ETNK2: variants seen among roughly 807,000 people sequenced by gnomAD.
ETNK2 encodes ethanolamine kinase-like protein.
A neutral mutation model predicts 46.2 loss-of-function variants in ETNK2; 33 were observed. That is an observed-to-expected ratio of 0.71 (90% CI 0.54 to 0.96). The LOEUF is 0.96. ETNK2 is among the 40% of genes least tolerant of loss of function. The pLI is 0.00. For missense variants in ETNK2, 445 were observed against 509.7 expected, an observed-to-expected ratio of 0.87 and a Z score of 1.22; for synonymous variants, 194 against 209.0, an observed-to-expected ratio of 0.93 and a Z score of 0.62.
chr1:204,145,660 CAGAGACATACTCAAAATGGGGAT>C (rs1473280773), intron 3 of ETNK2, among the ~76,000 whole-genome samples: 1 of 152,198 alleles, frequency 6.6e-6, no homozygotes, highest in Non-Finnish European at 1.5e-5. Context: ...ATGTGTGTGA[CAGAGACATACTCAAAATGGGGAT>C]AGAGTTAATT....
chr1:204,147,869 T>G (rs1275058460), intron 2 of ETNK2, among the ~76,000 whole-genome samples: 4 of 152,180 alleles, frequency 2.6e-5, no homozygotes, highest in Non-Finnish European at 5.9e-5. Context: ...GGCTGTGCTT[T>G]CTTTCAGAGG....
chr1:204,151,573 G>C lies in ETNK2; in HGVS notation c.258+22C>G. 3 of 1,548,192 alleles carry C rather than the reference G, an allele frequency of 1.9e-6. No individual in the cohort carries two copies. Among genetic ancestry groups the C allele is most frequent in the Non-Finnish European group, 2.6e-6 (3 of 1,145,928 alleles). On this transcript the variant is annotated intron_variant, in intron 1 of 7. Transcript: ENST00000367202. The surrounding 1 kb of genome is among the most constrained non-coding windows in gnomAD (Gnocchi z 8.0). Reference sequence around the variant, plus strand: ...GCAGCCCTGGCAGGACCCCATCCTCGGCCCCGCGCCCACTCCGCTACCTTG... The same window carrying C: ...GCAGCCCTGGCAGGACCCCATCCTCCGCCCCGCGCCCACTCCGCTACCTTG...
intron 5 of ETNK2, chr1:204,139,050 G>T (rs1468881985): frequency 6.6e-6 from 1 of 152,172 alleles, no homozygotes; most frequent in East Asian, 1.9e-4. Context: ...ACACTATGAG[G>T]TAGGTACTAT....
chr1:204,138,267 C>T (rs1260088112), intron 5 of ETNK2, among the ~76,000 whole-genome samples: 1 of 152,148 alleles, frequency 6.6e-6, no homozygotes, highest in Non-Finnish European at 1.5e-5. Flanking sequence ...ACCCATGAGG[C>T]CCCTCTCCCT....
In ETNK2 at chr1:204,137,107, G is replaced by A. The variant is rs1395538493; in HGVS notation, c.1011C>T (p.Ala337=). ...QRLYVQVNKF[A]LASHFFWALW... is the part of the protein sequence containing the mutation. ...GCCCTAGAAATAAGGCACTCACCAG[G>A]GCAAACTTGTTGACTTGCACGTAGA... The change falls in exon 6 of 8, where the codon GCC becomes GCT. Residue 337 remains alanine, a synonymous_variant. Coordinates refer to ENST00000367202, the MANE Select transcript of ETNK2 (RefSeq NM_018208.4). 1.2e-6 allele frequency: 2 copies of A among 1,613,674 alleles called. No homozygotes were observed. The highest frequency in any genetic ancestry group is 2.2e-5 in the East Asian group (1 of 44,868).
chr1:204,151,517 G>A lies in ETNK2; in HGVS notation c.258+78C>T. The A allele has an allele frequency of 6.5e-7, 1 of 1,529,112 alleles. No individual in the cohort carries two copies. Among genetic ancestry groups the A allele is most frequent in the Non-Finnish European group, 8.8e-7 (1 of 1,135,920 alleles). 94.7% of individuals were successfully genotyped at this position (1,529,112 alleles called of 1,614,324 possible). A position where few individuals can be genotyped will look rare whatever the true frequency, so the allele number is the denominator to read the frequency against. On this transcript the variant is annotated intron_variant, in intron 1 of 7. Transcript: ENST00000367202. The surrounding 1 kb of genome is among the most constrained non-coding windows in gnomAD (Gnocchi z 8.0). Reference sequence around the variant, plus strand: ...CACCCCTGGGACTGACACCCGGAAGGATGCGAGGACTGGGTCCCCGCATCC... The same window carrying A: ...CACCCCTGGGACTGACACCCGGAAGAATGCGAGGACTGGGTCCCCGCATCC...
In ETNK2 at chr1:204,151,673, CG is replaced by C. The variant is rs1488637646; in HGVS notation, c.179del (p.Pro60ArgfsTer115). ...GCAGGGCCCCGGGAAGGATGTCGTC[CG>C]GGTCCACGGAAATGCCGAAGTACGC... ...AVAYFGISVD[P>X]DDILPGALRL... On this transcript the variant is annotated frameshift_variant, in exon 1 of 8. Transcript: ENST00000367202. LOFTEE classifies it high-confidence loss of function. This position sits in a 1 kb window ranked among gnomAD's most constrained non-coding sequence, Gnocchi z 8.0. The C allele has an allele frequency of 6.5e-7, 1 of 1,548,162 alleles. No individual in the cohort carries two copies.
intron 7 of ETNK2, among the ~76,000 whole-genome samples, chr1:204,133,249 T>C (rs1432323985): frequency 7.3e-6 from 1 of 137,590 alleles, no homozygotes; most frequent in Non-Finnish European, 1.6e-5. Flanking sequence ...GAGTTTGCTT[T>C]CAATTATTTT....
At chr1:204,132,834 A>G (rs976149077) in intron 7 of ETNK2, among the ~76,000 whole-genome samples, 1 of 152,034 alleles carries the variant, frequency 6.6e-6, no homozygotes, top group Non-Finnish European at 1.5e-5. Context: ...TTACCGTTCT[A>G]TATTGTTAAG....
At position 204,132,173 on chromosome 1, in the gene ETNK2, G is replaced by A; in HGVS notation, c.*11C>T. On this transcript the variant is annotated 3_prime_UTR_variant, in exon 8 of 8. Transcript: ENST00000367202. The stretch of plus-strand genomic sequence containing the variant: ...CCAGACAGATGGGTAGGGGAGGGAT[G>A]GGGTGGCTGGTCACTTTGGCATCTC... The A allele has an allele frequency of 1.3e-6, 2 of 1,563,632 alleles. No individual in the cohort carries two copies. Among genetic ancestry groups the A allele is most frequent in the Non-Finnish European group, 1.7e-6 (2 of 1,153,130 alleles).
In ETNK2 at chr1:204,134,542, T is replaced by C; in HGVS notation, c.1061A>G (p.Tyr354Cys). The C allele has an allele frequency of 6.2e-7, 1 of 1,613,698 alleles. No individual in the cohort carries two copies. The highest frequency in any genetic ancestry group is 8.5e-7 in the Non-Finnish European group (1 of 1,179,796). Residue 354 changes from tyrosine to cysteine, a missense_variant, in exon 7 of 8, where the codon TAC (tyrosine) becomes TGC (cysteine). Tyr to Cys is a radical substitution (Grantham distance 194, BLOSUM62 -2). Transcript: ENST00000367202. ...GAGGAAATCAAAGTCGATGGTGGAG[T>C]ACTGGTTCTGGATGAGGGCCCAGAG... ...WALWALIQNQYSTIDFDFLRY... is the reference protein window; with the variant it reads ...WALWALIQNQCSTIDFDFLRY...
At position 204,149,874 on chromosome 1, in the gene ETNK2, TC is replaced by T; in HGVS notation, c.346del (p.Glu116SerfsTer59). On this transcript the variant is annotated frameshift_variant, in exon 2 of 8. Coordinates refer to ENST00000367202, the MANE Select transcript of ETNK2 (RefSeq NM_018208.4). LOFTEE classifies it high-confidence loss of function. ...CCGGTCCACCAGCAGCTCCGTCCGCTCCCCATACACCCGGACCAGCACGCAG... is the reference window on the plus strand; with the variant it reads ...CCGGTCCACCAGCAGCTCCGTCCGCTCCCATACACCCGGACCAGCACGCAG... ...QDCVLVRVYGERTELLVDREN... is the reference protein window; with the variant it reads ...QDCVLVRVYGXRTELLVDREN... 6.3e-7 allele frequency: 1 copy of T among 1,592,732 alleles called. No homozygotes were observed. Among genetic ancestry groups the T allele is most frequent in the Non-Finnish European group, 8.5e-7 (1 of 1,170,236 alleles).
chr1:204,143,666 G>C (rs1055255690), intron 3 of ETNK2, among the ~76,000 whole-genome samples: 1 of 152,172 alleles, frequency 6.6e-6, no homozygotes, highest in African/African-American at 2.4e-5. Context: ...AAGCCTTGGG[G>C]TTCCTCCTGA....
chr1:204,134,820 C>T, intron 6 of ETNK2: 1 of 951,032 alleles, frequency 1.1e-6, no homozygotes, highest in Non-Finnish European at 1.6e-6. Flanking sequence ...TCTACCGAGG[C>T]CCTAATGTTT....
chr1:204,151,871 C>A lies in ETNK2; in HGVS notation c.-19G>T. 1 of 1,420,438 alleles carries A rather than the reference C, an allele frequency of 7.0e-7. No individual in the cohort carries two copies. 88.0% of individuals were successfully genotyped at this position (1,420,438 alleles called of 1,614,324 possible). A position where few individuals can be genotyped will look rare whatever the true frequency, so the allele number is the denominator to read the frequency against. ...CAGCCATTCCCAGCAGCCCCACCCC[C>A]TCGGAGCCGCGGCAGACGCTAGCCC... is the stretch of plus-strand genomic sequence containing the variant. On this transcript the variant is annotated 5_prime_UTR_variant, in exon 1 of 8. In the 5' UTR this introduces an upstream ATG that the reference lacks. Coordinates refer to ENST00000367202, the MANE Select transcript of ETNK2 (RefSeq NM_018208.4). This position sits in a 1 kb window ranked among gnomAD's most constrained non-coding sequence, Gnocchi z 8.0.
chr1:204,134,399 C>T, intron 7 of ETNK2, 116 bp downstream of exon 7: 1 of 1,195,192 alleles, frequency 8.4e-7, no homozygotes, highest in South Asian at 1.4e-5. Context: ...GGGGGCGAGT[C>T]AGCAGAGCAG....
chr1:204,136,455 A>T (rs1307248580), intron 6 of ETNK2, among the ~76,000 whole-genome samples: 2 of 150,022 alleles, frequency 1.3e-5, no homozygotes, highest in Non-Finnish European at 2.9e-5. Context: ...CACTCCTATA[A>T]TCCCAACACT....
At chr1:204,141,517 T>G (rs1657538221) in intron 3 of ETNK2, 60 bp from the exon 4 acceptor site, 5 of 1,530,746 alleles carry the variant, frequency 3.3e-6, no homozygotes, top group Non-Finnish European at 4.4e-6. Flanking sequence ...GTGCTTGGCC[T>G]CAAGAGCCCT....
intron 4 of ETNK2, among the ~76,000 whole-genome samples, chr1:204,140,849 G>A (rs1349998229): frequency 6.8e-6 from 1 of 146,254 alleles, no homozygotes; most frequent in South Asian, 2.2e-4. Context: ...TTTAAATAGG[G>A]TCTTGCTCTG....
Sources: allele counts gnomAD v4.1 joint callset (sites outside exome capture counted in the v4.1 genomes callset), GRCh38; gene constraint gnomAD v4.1.1; non-coding constraint Gnocchi (gnomAD v3.1); transcripts MANE v1.5; gene names NCBI Gene and HGNC (gene_info 2026-07-23, HGNC 2026-07-21).